The following TRIM62 variants were observed in gnomAD, a reference collection of about 807,000 sequenced individuals.
The protein encoded by TRIM62 is E3 ubiquitin-protein ligase TRIM62.
A neutral mutation model predicts 44.2 loss-of-function variants in TRIM62; 39 were observed. The ratio of observed to expected loss-of-function variants is 0.88; its 90% CI spans 0.68 to 1.15. TRIM62 has a LOEUF of 1.15. TRIM62 is among the 50% of genes most tolerant of loss of function. TRIM62 has a pLI of 0.00. For missense variants in TRIM62, 544 were observed against 665.5 expected (o/e 0.82, Z 2.01); for synonymous variants, 278 against 292.3 (o/e 0.95, Z 0.50).
chr1:33,160,880 T>C (rs1645256961), intron 2 of TRIM62, among the ~76,000 whole-genome samples: 1 of 152,156 alleles, frequency 6.6e-6, no homozygotes, highest in African/African-American at 2.4e-5. Flanking sequence ...CAAGGACTGG[T>C]GTTTATAGAC....
chr1:33,160,996 C>CAA (rs1476466275), intron 2 of TRIM62, among the ~76,000 whole-genome samples: 5 of 152,234 alleles, frequency 3.3e-5, no homozygotes, highest in African/African-American at 1.2e-4. Context: ...TGGTGCCTGA[C>CAA]AGTCTGCGTA....
chr1:33,177,156 T>G lies in TRIM62; in HGVS notation c.408+3869A>C, dbSNP rs1221752534. On this transcript the variant is annotated intron_variant, in intron 1 of 4. Transcript: ENST00000291416. This position sits in a 1 kb window ranked among gnomAD's most constrained non-coding sequence, Gnocchi z 4.1. ...ACACACGCACATGCACACCCACAGG[T>G]TACATAAAAATCCTTAGAACTGTAT... Among the ~76,000 whole-genome samples the G allele has an allele frequency of 6.6e-6, 1 of 152,126 alleles. No individual in the cohort carries two copies. Among genetic ancestry groups the G allele is most frequent in the African/African-American group, 2.4e-5 (1 of 41,402 alleles).
In TRIM62 at chr1:33,157,748, G is replaced by GT. The variant is rs957559711; in HGVS notation, c.877+504dup. 2.1e-3 allele frequency among the ~76,000 whole-genome samples: 304 copies of GT among 145,004 alleles called. 1 individual carries two copies. Among genetic ancestry groups the GT allele is most frequent in the South Asian group, 0.01 (46 of 4,554 alleles). On this transcript the variant is annotated intron_variant, in intron 4 of 4. Coordinates refer to ENST00000291416, the MANE Select transcript of TRIM62 (RefSeq NM_018207.3). ...GGTTTGCTAATGGAACCTATCTCATGTTTTTTTTTTTTCTTCCTTTTTTTC... is the reference window on the plus strand; with the variant it reads ...GGTTTGCTAATGGAACCTATCTCATGTTTTTTTTTTTTTCTTCCTTTTTTTC...
At chr1:33,149,636 A>T (rs35643025) in intron 4 of TRIM62, among the ~76,000 whole-genome samples, 1 of 144,484 alleles carries the variant, frequency 6.9e-6, no homozygotes, top group South Asian at 2.2e-4. Context: ...TAAATTTTTC[A>T]TAGAGATGAG....
chr1:33,147,252 A>C lies in TRIM62; in HGVS notation c.1353T>G (p.Ser451=), dbSNP rs1645032279. ...CGTGGCTCTGGCCAGGGCTGAAGTA[A>C]GAGCAGAGCTTGCCAGGGAACTTCT... The part of the protein sequence containing the change: ...FREKFPGKLC[S]YFSPGQSHAN... The change falls in exon 5 of 5, where the codon TCT becomes TCG. Residue 451 remains serine, a synonymous_variant. Coordinates refer to ENST00000291416, the MANE Select transcript of TRIM62 (RefSeq NM_018207.3). The surrounding 1 kb of genome is among the most constrained non-coding windows in gnomAD (Gnocchi z 8.1). 1.2e-6 allele frequency: 2 copies of C among 1,614,104 alleles called. No individual in the cohort carries two copies. Among genetic ancestry groups the C allele is most frequent in the South Asian group, 2.2e-5 (2 of 91,086 alleles).
intron 4 of TRIM62, among the ~76,000 whole-genome samples, chr1:33,154,102 T>C (rs768175713): frequency 3.3e-5 from 5 of 152,210 alleles, no homozygotes; most frequent in Non-Finnish European, 5.9e-5. Context: ...GGGAATGGCA[T>C]GTGCAAACGT....
chr1:33,154,953 C>G (rs1171238385), intron 4 of TRIM62, among the ~76,000 whole-genome samples: 6 of 149,648 alleles, frequency 4.0e-5, no homozygotes, highest in Admixed American at 1.3e-4. Context: ...ATTAGCCAGG[C>G]GTCTTGGCAG....
chr1:33,166,110 T>C (rs1461581453), intron 1 of TRIM62: 1 of 152,374 alleles, frequency 6.6e-6, no homozygotes, highest in Non-Finnish European at 1.5e-5. Context: ...GGATCTAGGT[T>C]GCCTGCTCCT....
intron 4 of TRIM62, among the ~76,000 whole-genome samples, chr1:33,150,062 T>G (rs1645075592): frequency 6.6e-6 from 1 of 152,230 alleles, no homozygotes; most frequent in African/African-American, 2.4e-5. Context: ...TGTTAAGACC[T>G]CTGTTTACTC....
At chr1:33,150,458 G>T (rs577807750) in intron 4 of TRIM62, among the ~76,000 whole-genome samples, 1 of 152,222 alleles carries the variant, frequency 6.6e-6, no homozygotes, top group South Asian at 2.1e-4. Flanking sequence ...CATGATCTTT[G>T]CCAGGAGTAA....
chr1:33,176,343 GC>G, intron 1 of TRIM62: 2 of 642,716 alleles, frequency 3.1e-6, no homozygotes, highest in South Asian at 1.6e-5. Flanking sequence ...TTTGAACCTA[GC>G]CCCCAGCCCC....
At position 33,161,043 on chromosome 1, in the gene TRIM62, C is replaced by T. The variant is rs1356353476; in HGVS notation, c.505-1099G>A. 6.6e-6 allele frequency among the ~76,000 whole-genome samples: 1 copy of T among 152,216 alleles called. No homozygotes were observed. Among genetic ancestry groups the T allele is most frequent in the African/African-American group, 2.4e-5 (1 of 41,454 alleles). On this transcript the variant is annotated intron_variant, in intron 2 of 4. Transcript: ENST00000291416. The surrounding 1 kb of genome is among the most constrained non-coding windows in gnomAD (Gnocchi z 4.3). ...TCTGGGTCTCTAGCTATGGCAACGT[C>T]AGTTGCCTAAGAGCTGTGAACCTTA...
At chr1:33,151,356 C>T (rs112163113) in intron 4 of TRIM62, among the ~76,000 whole-genome samples, 3,456 of 152,180 alleles carry the variant, frequency 0.023, 51 homozygotes, top group Non-Finnish European at 0.035. Flanking sequence ...GACTTCTATA[C>T]CCCAAGGGGT....
At chr1:33,171,478 C>T (rs1245599927) in intron 1 of TRIM62, among the ~76,000 whole-genome samples, 6 of 152,124 alleles carry the variant, frequency 3.9e-5, no homozygotes, top group African/African-American at 1.2e-4. Context: ...CTCAGTGGCT[C>T]CGAAAATCCA....
At chr1:33,163,799 T>A (rs1247373420) in intron 2 of TRIM62, 2 of 152,160 alleles carry the variant, frequency 1.3e-5, no homozygotes, top group East Asian at 3.9e-4. Flanking sequence ...AGGCACCAGG[T>A]GAAATATGAC....
At chr1:33,152,511 G>A (rs1645114080) in intron 4 of TRIM62, among the ~76,000 whole-genome samples, 1 of 150,292 alleles carries the variant, frequency 6.7e-6, no homozygotes, top group African/African-American at 2.4e-5. Flanking sequence ...AGGTTGTGGT[G>A]AGCCAAGATT....
At position 33,165,751 on chromosome 1, in the gene TRIM62, C is replaced by T. The variant is rs898427570; in HGVS notation, c.409-185G>A. 103 of 434,748 alleles carry T rather than the reference C, an allele frequency of 2.4e-4. No individual in the cohort carries two copies. Among genetic ancestry groups the T allele is most frequent in the Non-Finnish European group, 9.3e-5 (23 of 246,316 alleles). The allele number at this position is 434,748 out of a possible 1,614,324, so 26.9% of individuals were successfully genotyped here. A position where few individuals can be genotyped will look rare whatever the true frequency, so the allele number is the denominator to read the frequency against. On this transcript the variant is annotated intron_variant, in intron 1 of 4. Transcript: ENST00000291416. This position sits in a 1 kb window ranked among gnomAD's most constrained non-coding sequence, Gnocchi z 4.0. ...CTGTCTCCTAAACACCTCCAGAACC[C>T]GTCCGTATCTTTCACCTGCATCTTT... is the stretch of plus-strand genomic sequence containing the variant.
rs1417030590 is a variant in TRIM62 at position 33,159,428 on chromosome 1, G to A, written c.761+260C>T. On this transcript the variant is annotated intron_variant, in intron 3 of 4. Transcript: ENST00000291416. The surrounding 1 kb of genome is among the most constrained non-coding windows in gnomAD (Gnocchi z 4.2). The stretch of plus-strand genomic sequence containing the variant: ...CTCCTGCACCCCTAGAGCCAAGACA[G>A]CAGGGTCAAAGTGGCTGCCCTCTAG... 2.0e-5 allele frequency among the ~76,000 whole-genome samples: 3 copies of A among 152,164 alleles called. No individual in the cohort carries two copies. The highest frequency in any genetic ancestry group is 4.4e-5 in the Non-Finnish European group (3 of 68,040).
In TRIM62 at chr1:33,161,212, G is replaced by A. The variant is rs140604544; in HGVS notation, c.505-1268C>T. Reference sequence around the variant, plus strand: ...ACTGCAATTCTAATAAGCGTTTCCCGGAAGTCTTCATTGAGAGACGGGTTC... The same window carrying A: ...ACTGCAATTCTAATAAGCGTTTCCCAGAAGTCTTCATTGAGAGACGGGTTC... On this transcript the variant is annotated intron_variant, in intron 2 of 4. Transcript: ENST00000291416. This position sits in a 1 kb window ranked among gnomAD's most constrained non-coding sequence, Gnocchi z 4.3. Among the ~76,000 whole-genome samples the A allele has an allele frequency of 9.4e-3, 1,437 of 152,336 alleles. 15 individuals are homozygous for A. Among genetic ancestry groups the A allele is most frequent in the South Asian group, 0.032 (155 of 4,826 alleles).
Sources: allele counts gnomAD v4.1 joint callset (sites outside exome capture counted in the v4.1 genomes callset), GRCh38; gene constraint gnomAD v4.1.1; non-coding constraint Gnocchi (gnomAD v3.1); transcripts MANE v1.5; gene names NCBI Gene and HGNC (gene_info 2026-07-23, HGNC 2026-07-21).